Variants in UNC13B observed in about 807,000 individuals in gnomAD.
UNC13B encodes the protein protein unc-13 homolog B.
In UNC13B, 144 loss-of-function variants were observed where a neutral mutation model predicts 211.0. The observed-to-expected ratio is 0.68, with a 90% CI of 0.60 to 0.78. The LOEUF (loss-of-function observed/expected upper bound fraction) is 0.78. Ranked by LOEUF, UNC13B falls within the 30% of genes least tolerant of loss-of-function variation. UNC13B has a pLI of 0.00. For missense variants in UNC13B, 1,777 were observed against 2,002.0 expected (o/e 0.89, Z 2.14); for synonymous variants, 709 against 725.8 (o/e 0.98, Z 0.37).
At chr9:35,175,755 G>A (rs71521261) in intron 1 of UNC13B, among the ~76,000 whole-genome samples, 1 of 151,860 alleles carries the variant, frequency 6.6e-6, no homozygotes, top group Non-Finnish European at 1.5e-5. Context: ...GGTGGCTCAC[G>A]CCTGTAATCC....
chr9:35,391,850 A>T (rs1381318185), intron 26 of UNC13B, among the ~76,000 whole-genome samples: 6 of 152,222 alleles, frequency 3.9e-5, no homozygotes, highest in African/African-American at 1.4e-4. Context: ...GGAAACCCAG[A>T]GGCTAGGCTC....
intron 7 of UNC13B, among the ~76,000 whole-genome samples, chr9:35,288,587 G>A (rs970566217): frequency 2.6e-5 from 4 of 152,210 alleles, no homozygotes; most frequent in Admixed American, 6.5e-5. Context: ...GGATAGGGAA[G>A]GAAACTTGCT....
chr9:35,340,561 C>T (rs1225383160), intron 11 of UNC13B, among the ~76,000 whole-genome samples: 1 of 152,230 alleles, frequency 6.6e-6, no homozygotes, highest in East Asian at 1.9e-4. Flanking sequence ...AGAGGCCATA[C>T]TCTGTTGTGG....
chr9:35,211,271 T>G (rs1342285296), intron 1 of UNC13B, among the ~76,000 whole-genome samples: 1 of 152,218 alleles, frequency 6.6e-6, no homozygotes, highest in Non-Finnish European at 1.5e-5. Flanking sequence ...CTTCTAGATT[T>G]TTTATCTTAT....
At chr9:35,254,971 T>C (rs1245518293) in intron 6 of UNC13B, among the ~76,000 whole-genome samples, 9 of 121,556 alleles carry the variant, frequency 7.4e-5, no homozygotes, top group East Asian at 4.1e-4. Context: ...TATATTATAT[T>C]ATATATTAAT....
At chr9:35,359,681 G>T (rs1023788400) in intron 11 of UNC13B, among the ~76,000 whole-genome samples, 11 of 152,022 alleles carry the variant, frequency 7.2e-5, no homozygotes, top group African/African-American at 2.7e-4. Context: ...CTCACAACCT[G>T]TATTCAGTCC....
chr9:35,342,842 C>G (rs1832092928), intron 11 of UNC13B, among the ~76,000 whole-genome samples: 1 of 152,158 alleles, frequency 6.6e-6, no homozygotes, highest in Admixed American at 6.5e-5. Flanking sequence ...AGTAACCTTT[C>G]TGTTCTTGAA....
At position 35,386,127 on chromosome 9, in the gene UNC13B, C is replaced by A. The variant is rs752000; in HGVS notation, c.10966-38C>A. 5.5e-3 allele frequency: 8,866 copies of A among 1,612,852 alleles called. 447 individuals carry two copies. In the African/African-American group the frequency reaches 0.11, roughly 19 times the overall value. ...TAGGAGAATATCCCACCCAGGTGAG[C>A]AGGTCCTTGGGCCCATATTTCTTCT... On this transcript the variant is annotated intron_variant, in intron 23 of 39. Coordinates refer to ENST00000635942, the MANE Select transcript of UNC13B (RefSeq NM_001371189.2).
intron 11 of UNC13B, among the ~76,000 whole-genome samples, chr9:35,347,145 C>T (rs114021950): frequency 0.029 from 4,375 of 152,292 alleles, 216 homozygotes; most frequent in African/African-American, 0.1. Flanking sequence ...AAGGATCTTC[C>T]TGCTTTGGCC....
At chr9:35,237,610 T>C in intron 4 of UNC13B, 93 bp from the exon 5 acceptor site, 1 of 1,539,646 alleles carries the variant, frequency 6.5e-7, no homozygotes, top group Non-Finnish European at 8.8e-7. Context: ...CCTCAGAAGC[T>C]CAAACAAGGA....
At chr9:35,344,252 T>C (rs558399829) in intron 11 of UNC13B, among the ~76,000 whole-genome samples, 1 of 152,294 alleles carries the variant, frequency 6.6e-6, no homozygotes, top group East Asian at 1.9e-4. Flanking sequence ...GCCCCCACAC[T>C]CTTTTTTTGT....
At chr9:35,387,268 C>T (rs1179185216) in intron 24 of UNC13B, among the ~76,000 whole-genome samples, 1 of 152,168 alleles carries the variant, frequency 6.6e-6, no homozygotes, top group Non-Finnish European at 1.5e-5. Flanking sequence ...GGGATTTGGA[C>T]AACCAATGAT....
chr9:35,330,057 C>T lies in UNC13B; in HGVS notation c.9414+16068C>T, dbSNP rs920489323. ...AAAATTTAGGGCTGGATAGAAATGC[C>T]GAGAACTGGGTTTTTGTATTAGCTC... On this transcript the variant is annotated intron_variant, in intron 11 of 39. Transcript: ENST00000635942. Among the ~76,000 whole-genome samples, 20 of 152,208 alleles carry T rather than the reference C, an allele frequency of 1.3e-4. No individual in the cohort carries two copies. In the South Asian group the frequency reaches 3.3e-3, roughly 25 times the overall value.
rs1836569008 is a variant in UNC13B at position 35,404,757 on chromosome 9, C to T, written c.*724C>T. The T allele has an allele frequency of 6.6e-6, 1 of 152,624 alleles. No homozygotes were observed. Among genetic ancestry groups the T allele is most frequent in the African/African-American group, 2.4e-5 (1 of 41,446 alleles). The allele number at this position is 152,624 out of a possible 1,614,324, so 9.5% of individuals were successfully genotyped here. On this transcript the variant is annotated 3_prime_UTR_variant, in exon 40 of 40. Coordinates refer to ENST00000635942, the MANE Select transcript of UNC13B (RefSeq NM_001371189.2). Reference sequence around the variant, plus strand: ...CCTGCCTGGGAGTCTCCCTGCCTCACTCCTCTAGGCAGGGGAGTGATGCTT... The same window carrying T: ...CCTGCCTGGGAGTCTCCCTGCCTCATTCCTCTAGGCAGGGGAGTGATGCTT...
At chr9:35,183,466 A>T (rs541525471) in intron 1 of UNC13B, among the ~76,000 whole-genome samples, 1 of 84,374 alleles carries the variant, frequency 1.2e-5, no homozygotes, top group East Asian at 8.7e-4. Flanking sequence ...CCTCCCAGGC[A>T]GGGCGGCCGG....
intron 1 of UNC13B, among the ~76,000 whole-genome samples, chr9:35,184,632 C>T (rs1000682671): frequency 5.9e-5 from 9 of 152,082 alleles, no homozygotes; most frequent in African/African-American, 1.9e-4. Flanking sequence ...CACGGGAGCC[C>T]GGGGCAGGGA....
chr9:35,396,759 G>T lies in UNC13B; in HGVS notation c.11436-82G>T. 1.9e-6 allele frequency: 3 copies of T among 1,601,564 alleles called. No homozygotes were observed. In the South Asian group the frequency reaches 3.3e-5, roughly 18 times the overall value. On this transcript the variant is annotated intron_variant, in intron 27 of 39. Coordinates refer to ENST00000635942, the MANE Select transcript of UNC13B (RefSeq NM_001371189.2). ...TTAAACTGTGCCCTGCCATCCCGAG[G>T]ACCCCAGTCTGGTGGAGCTGTCAGG... is the stretch of plus-strand genomic sequence containing the variant.
rs1323742395 is a variant in UNC13B, at chr9:35,300,514, T to C, written c.1110T>C (p.Leu370=). Residue 370 remains leucine (L), a synonymous_variant, in exon 9 of 40, where the codon CTT becomes CTC. Transcript: ENST00000635942. ...CTAATTTTACCTCATTAGATATTCT[T>C]GAAGATTCTACTAGTAGTACTTCTG... ...HVTNFTSLDI[L]EDSTSSTSDE... is the part of the protein sequence containing the mutation. 5.0e-6 allele frequency: 2 copies of C among 398,920 alleles called. No individual in the cohort carries two copies. Among genetic ancestry groups the C allele is most frequent in the Admixed American group, 4.4e-5 (1 of 22,724 alleles). 24.7% of individuals were successfully genotyped at this position (398,920 alleles called of 1,614,324 possible). A position where few individuals can be genotyped will look rare whatever the true frequency, so the allele number is the denominator to read the frequency against.
chr9:35,330,152 C>T (rs1397268175), intron 11 of UNC13B, among the ~76,000 whole-genome samples: 2 of 152,162 alleles, frequency 1.3e-5, no homozygotes, highest in African/African-American at 4.8e-5. Flanking sequence ...TTAGGGATAG[C>T]GACTTGTTCT....
Sources: gnomAD v4.1 joint callset for allele counts (sites outside exome capture counted in the v4.1 genomes callset) on GRCh38, gnomAD v4.1.1 for gene constraint, MANE v1.5 for transcripts, NCBI Gene and HGNC (gene_info 2026-07-23, HGNC 2026-07-21) for gene names.